Variants in TGIF1 observed in about 807,000 individuals in gnomAD.
TGIF1 encodes homeobox protein TGIF1.
In TGIF1, 4 loss-of-function variants were observed where a neutral mutation model predicts 19.3. The observed-to-expected ratio is 0.21, with a 90% confidence interval of 0.10 to 0.47. TGIF1 has a LOEUF of 0.47. Ranked by LOEUF, TGIF1 falls within the 20% of genes least tolerant of loss-of-function variation. The probability of loss-of-function intolerance (pLI) is 0.98; values close to 1 mark genes in which losing one functional copy is unlikely to be tolerated. For missense variants in TGIF1, 275 were observed against 341.4 expected (o/e 0.81, Z 1.53); for synonymous variants, 122 against 129.3 (o/e 0.94, Z 0.38).
At chr18:3,425,851 G>A (rs772475316) in intron 2 of TGIF1, among the ~76,000 whole-genome samples, 9 of 152,102 alleles carry the variant, frequency 5.9e-5, no homozygotes, top group Non-Finnish European at 1.0e-4. Context: ...GGGCCTGTGC[G>A]GGAAGAACCC....
At chr18:3,431,014 G>A (rs1043974079) in intron 2 of TGIF1, among the ~76,000 whole-genome samples, 4 of 152,030 alleles carry the variant, frequency 2.6e-5, no homozygotes, top group Admixed American at 2.0e-4. Context: ...GGGAGAATAC[G>A]ATATGAACCT....
At chr18:3,450,638 C>T (rs1329947452) in intron 1 of TGIF1, 133 bp downstream of exon 1, 4 of 1,519,004 alleles carry the variant, frequency 2.6e-6, no homozygotes, top group Non-Finnish European at 3.5e-6. Flanking sequence ...CGGCCGTGCT[C>T]TTTGTTGAGG....
chr18:3,433,998 T>C (rs2082584221), intron 2 of TGIF1, among the ~76,000 whole-genome samples: 1 of 152,238 alleles, frequency 6.6e-6, no homozygotes, highest in Non-Finnish European at 1.5e-5. Context: ...GATTACAAAA[T>C]GCAGTTTCAT....
intron 2 of TGIF1, among the ~76,000 whole-genome samples, chr18:3,433,698 G>T (rs1232257390): frequency 1.3e-5 from 2 of 152,074 alleles, no homozygotes; most frequent in Non-Finnish European, 2.9e-5. Context: ...TAGAGACAGG[G>T]TCTTGCTCCA....
intron 1 of TGIF1, 133 bp downstream of exon 1, chr18:3,450,638 C>G (rs1329947452): frequency 6.6e-7 from 1 of 1,519,004 alleles, no homozygotes; most frequent in East Asian, 2.5e-5. Flanking sequence ...CGGCCGTGCT[C>G]TTTGTTGAGG....
chr18:3,431,986 G>T (rs1000190827), intron 2 of TGIF1, among the ~76,000 whole-genome samples: 1 of 152,150 alleles, frequency 6.6e-6, no homozygotes, highest in South Asian at 2.1e-4. Context: ...AAATTAGCTG[G>T]GCATGGTGGT....
At chr18:3,425,596 C>G (rs982908411) in intron 2 of TGIF1, among the ~76,000 whole-genome samples, 7 of 152,148 alleles carry the variant, frequency 4.6e-5, no homozygotes, top group African/African-American at 1.7e-4. Flanking sequence ...AGTGACTCCT[C>G]TGGTGGGCCC....
At chr18:3,422,683 T>G (rs1429074629) in intron 2 of TGIF1, among the ~76,000 whole-genome samples, 7 of 128,782 alleles carry the variant, frequency 5.4e-5, no homozygotes, top group African/African-American at 1.7e-4. Flanking sequence ...CTTTTTTTTT[T>G]TTTTTTTTTT....
At position 3,451,256 on chromosome 18, in the gene TGIF1, A is replaced by C; in HGVS notation, c.16+751A>C. On this transcript the variant is annotated intron_variant, in intron 1 of 2. Transcript: ENST00000343820. The surrounding 1 kb of genome is among the most constrained non-coding windows in gnomAD (Gnocchi z 5.4). ...AGCAGGCTTGGTTGTAAGTGCAAAG[A>C]GCAAGGCTGTCATTGTTTCCACGAA... 1.4e-6 allele frequency: 1 copy of C among 708,596 alleles called. No individual in the cohort carries two copies. The highest frequency in any genetic ancestry group is 6.4e-5 in the South Asian group (1 of 15,732). 43.9% of individuals were successfully genotyped at this position (708,596 alleles called of 1,614,324 possible).
chr18:3,430,034 T>TA (rs752403693), intron 2 of TGIF1, among the ~76,000 whole-genome samples: 65 of 152,190 alleles, frequency 4.3e-4, no homozygotes, highest in Non-Finnish European at 2.8e-4. Flanking sequence ...TGGGCACCTG[T>TA]AATCCCAGAT....
chr18:3,426,527 A>G (rs147346890), intron 2 of TGIF1, among the ~76,000 whole-genome samples: 3 of 152,286 alleles, frequency 2.0e-5, no homozygotes, highest in African/African-American at 7.2e-5. Context: ...TGTTCTCAGA[A>G]AAGACTGGTG....
At chr18:3,417,519 T>C (rs1179192263) in intron 1 of TGIF1, among the ~76,000 whole-genome samples, 4 of 152,240 alleles carry the variant, frequency 2.6e-5, no homozygotes, top group Admixed American at 6.5e-5. Context: ...GAAACGTTCA[T>C]GATACACTGT....
intron 2 of TGIF1, among the ~76,000 whole-genome samples, chr18:3,428,820 T>C (rs2082509289): frequency 6.6e-6 from 1 of 152,072 alleles, no homozygotes; most frequent in African/African-American, 2.4e-5. Flanking sequence ...GGTGGGCAGA[T>C]TGCCTGAGCT....
intron 2 of TGIF1, among the ~76,000 whole-genome samples, chr18:3,438,313 T>C (rs1234221367): frequency 6.6e-6 from 1 of 152,058 alleles, no homozygotes; most frequent in East Asian, 1.9e-4. Context: ...ATTACAGATG[T>C]GTGACTTGCA....
At chr18:3,448,454 G>C (rs1008775721), upstream of TGIF1, 1 of 992,162 alleles carries the variant, frequency 1.0e-6, no homozygotes, top group Non-Finnish European at 1.2e-6. Context: ...CCAGGTCCGG[G>C]AAGGAACTGT....
At chr18:3,425,649 C>G (rs1053743186) in intron 2 of TGIF1, among the ~76,000 whole-genome samples, 3 of 152,100 alleles carry the variant, frequency 2.0e-5, no homozygotes, top group Non-Finnish European at 4.4e-5. Context: ...TTTTCCACAC[C>G]CCTATGATTG....
chr18:3,430,141 TAAGAC>T (rs1249037713), intron 2 of TGIF1, among the ~76,000 whole-genome samples: 1 of 152,100 alleles, frequency 6.6e-6, no homozygotes, highest in African/African-American at 2.4e-5. Flanking sequence ...GGTGACAGAG[TAAGAC>T]TGTCTCAACA....
At chr18:3,452,361 C>A (rs1252652158) in intron 1 of TGIF1, 5 of 1,613,286 alleles carry the variant, frequency 3.1e-6, no homozygotes, top group Non-Finnish European at 4.2e-6. Flanking sequence ...TCCTCGGCGC[C>A]GACTCCTGGA....
At chr18:3,449,538 T>TGGCCCCCCC, upstream of TGIF1, 101 of 961,864 alleles carry the variant, frequency 1.1e-4, no homozygotes, top group Non-Finnish European at 1.2e-4. Context: ...GTCTCATCAT[T>TGGCCCCCCC]CCCCCCCGCC....
Sources: gnomAD v4.1 joint callset for allele counts (sites outside exome capture counted in the v4.1 genomes callset) on GRCh38, gnomAD v4.1.1 for gene constraint, Gnocchi (gnomAD v3.1) non-coding constraint, MANE v1.5 for transcripts, NCBI Gene and HGNC (gene_info 2026-07-23, HGNC 2026-07-21) for gene names.